The following IHO1 variants were observed in gnomAD, a reference collection of about 807,000 sequenced individuals.
IHO1 encodes interactor of HORMAD1 1, also known as interactor of HORMAD1 protein 1.
IHO1 carries 13 observed loss-of-function variants against 31.0 expected under a neutral mutation model. The observed-to-expected ratio is 0.42, with a 90% confidence interval of 0.27 to 0.67. IHO1 has a LOEUF of 0.67. IHO1 is among the 30% of genes least tolerant of loss of function. IHO1 has a pLI of 0.24. For missense variants in IHO1, 599 were observed against 687.5 expected, an observed-to-expected ratio of 0.87 and a Z score of 1.44; for synonymous variants, 221 against 248.4, an observed-to-expected ratio of 0.89 and a Z score of 1.04.
intron 1 of IHO1, among the ~76,000 whole-genome samples, chr3:49,202,323 A>ATTT (rs66767086): frequency 6.0e-5 from 8 of 132,484 alleles, no homozygotes; most frequent in East Asian, 2.2e-4. Flanking sequence ...CTTCTTTTTA[A>ATTT]TTTTTTTTTT....
chr3:49,206,656 A>G (rs1255551556), intron 1 of IHO1, among the ~76,000 whole-genome samples: 1 of 152,176 alleles, frequency 6.6e-6, no homozygotes, highest in African/African-American at 2.4e-5. Context: ...GTGACTAAGA[A>G]TGCCTAATCT....
chr3:49,234,162 GTTTTT>G (rs56802492), intron 2 of IHO1, among the ~76,000 whole-genome samples: 1 of 91,916 alleles, frequency 1.1e-5, no homozygotes, highest in Admixed American at 1.7e-4. Flanking sequence ...TTTTGTTGTT[GTTTTT>G]TTTTTTTTTT....
intron 2 of IHO1, among the ~76,000 whole-genome samples, chr3:49,212,763 C>T (rs113444450): frequency 1.1e-3 from 160 of 152,184 alleles, no homozygotes; most frequent in African/African-American, 1.2e-3. Flanking sequence ...CAGACCTTTG[C>T]GGTGAGTGTT....
chr3:49,228,969 C>G (rs953094085), intron 2 of IHO1, among the ~76,000 whole-genome samples: 1 of 152,040 alleles, frequency 6.6e-6, no homozygotes, highest in Non-Finnish European at 1.5e-5. Flanking sequence ...TTACAGAGTG[C>G]TGATTGGGCC....
chr3:49,191,950 C>T, the IHO1 span: 1 of 651,448 alleles, frequency 1.5e-6, no homozygotes, highest in Non-Finnish European at 2.7e-6. Context: ...TTTGTCCTTG[C>T]TGCCCTAGTT....
Position 49,257,311 on chromosome 3 carries a change from G to T in IHO1, c.*29G>T. On this transcript the variant is annotated 3_prime_UTR_variant, in exon 8 of 8. Transcript: ENST00000452691. ...GTCCACAGTTGATTTATTGGTCTCA[G>T]CTAGAAAGAGAAATTGCAGGACATT... 1 of 1,588,192 alleles carries T rather than the reference G, an allele frequency of 6.3e-7. No homozygotes were observed. The highest frequency in any genetic ancestry group is 8.6e-7 in the Non-Finnish European group (1 of 1,164,762).
chr3:49,228,943 A>T (rs1319204801), intron 2 of IHO1, among the ~76,000 whole-genome samples: 2 of 152,056 alleles, frequency 1.3e-5, no homozygotes, highest in African/African-American at 4.8e-5. Context: ...TTTTACAGAG[A>T]GATGACTGGT....
At chr3:49,251,298 T>C (rs960165708) in intron 6 of IHO1, among the ~76,000 whole-genome samples, 4 of 150,096 alleles carry the variant, frequency 2.7e-5, no homozygotes, top group Non-Finnish European at 5.9e-5. Flanking sequence ...TTTTTTTTTT[T>C]TTTTTTGAGG....
intron 3 of IHO1, among the ~76,000 whole-genome samples, chr3:49,237,261 C>T (rs1437831166): frequency 3.3e-5 from 5 of 152,094 alleles, no homozygotes; most frequent in Non-Finnish European, 5.9e-5. Flanking sequence ...GGCAGAGAAT[C>T]GCTTGAACTC....
chr3:49,221,245 G>A (rs2046352345), intron 2 of IHO1, among the ~76,000 whole-genome samples: 1 of 151,470 alleles, frequency 6.6e-6, no homozygotes, highest in Non-Finnish European at 1.5e-5. Context: ...TTTTTACAGA[G>A]TGCTGATTGG....
At chr3:49,227,223 G>A (rs972024110) in intron 2 of IHO1, among the ~76,000 whole-genome samples, 1 of 152,136 alleles carries the variant, frequency 6.6e-6, no homozygotes, top group African/African-American at 2.4e-5. Flanking sequence ...TCCCTCAGAT[G>A]GCCATTTTTC....
intron 1 of IHO1, among the ~76,000 whole-genome samples, chr3:49,200,075 A>T (rs924827977): frequency 2.6e-5 from 4 of 152,182 alleles, no homozygotes; most frequent in African/African-American, 4.8e-5. Context: ...GCCGGTGGCC[A>T]CAGGGGGCCT....
At chr3:49,255,308 C>T in intron 6 of IHO1, 82 bp from the exon 7 acceptor site, 2 of 939,086 alleles carry the variant, frequency 2.1e-6, no homozygotes, top group Admixed American at 2.7e-5. Flanking sequence ...TCCCTTTTCA[C>T]TGCTGTGGTT....
intron 6 of IHO1, among the ~76,000 whole-genome samples, chr3:49,249,764 A>G (rs1403728236): frequency 6.6e-6 from 1 of 152,234 alleles, no homozygotes; most frequent in African/African-American, 2.4e-5. Flanking sequence ...CCAGCCAGTG[A>G]AAACTGGGAA....
At chr3:49,249,092 G>T (rs1182453405) in intron 6 of IHO1, among the ~76,000 whole-genome samples, 1 of 152,130 alleles carries the variant, frequency 6.6e-6, no homozygotes, top group African/African-American at 2.4e-5. Context: ...TATTTTCCCA[G>T]TCAGCCTGCC....
chr3:49,257,332 A>C lies in IHO1; in HGVS notation c.*50A>C. On this transcript the variant is annotated 3_prime_UTR_variant, in exon 8 of 8. Transcript: ENST00000452691. ...CTCAGCTAGAAAGAGAAATTGCAGG[A>C]CATTTGGGCTGGCCAACAGCAGAAA... is the stretch of plus-strand genomic sequence containing the variant. 1 of 1,552,128 alleles carries C rather than the reference A, an allele frequency of 6.4e-7. No individual in the cohort carries two copies. The highest frequency in any genetic ancestry group is 8.8e-7 in the Non-Finnish European group (1 of 1,140,662).
At chr3:49,236,067 C>T (rs906499103) in intron 2 of IHO1, among the ~76,000 whole-genome samples, 1 of 152,072 alleles carries the variant, frequency 6.6e-6, no homozygotes, top group African/African-American at 2.4e-5. Flanking sequence ...ATGGTGAAAC[C>T]CCATCTCAAC....
chr3:49,206,277 T>C (rs1400219374), intron 1 of IHO1, among the ~76,000 whole-genome samples: 1 of 150,876 alleles, frequency 6.6e-6, no homozygotes, highest in Non-Finnish European at 1.5e-5. Flanking sequence ...TTTGTATTTT[T>C]AGTAGAGATG....
At chr3:49,230,878 A>G (rs1279795074) in intron 2 of IHO1, among the ~76,000 whole-genome samples, 2 of 152,168 alleles carry the variant, frequency 1.3e-5, no homozygotes, top group Non-Finnish European at 2.9e-5. Flanking sequence ...TGAGTAATCT[A>G]TTTTCTATCT....
Sources: allele counts gnomAD v4.1 joint callset (sites outside exome capture counted in the v4.1 genomes callset), GRCh38; gene constraint gnomAD v4.1.1; transcripts MANE v1.5; gene names NCBI Gene and HGNC (gene_info 2026-07-23, HGNC 2026-07-21).